The following USP10 variants were observed in gnomAD, a reference collection of about 807,000 sequenced individuals.
The protein encoded by USP10 is ubiquitin specific peptidase 10.
In USP10, 22 loss-of-function variants were observed where a neutral mutation model predicts 84.5. That is an observed-to-expected ratio of 0.26 (90% CI 0.19 to 0.37). The LOEUF (loss-of-function observed/expected upper bound fraction) is 0.37. USP10 is among the 10% of genes least tolerant of loss of function. The pLI is 1.00. For missense variants in USP10, 1,019 were observed against 998.9 expected (o/e 1.02, Z -0.27); for synonymous variants, 454 against 387.6 (o/e 1.17, Z -2.01).
intron 12 of USP10, 30 bp downstream of exon 12, chr16:84,772,715 G>C: frequency 1.2e-6 from 2 of 1,611,490 alleles, no homozygotes; most frequent in Non-Finnish European, 8.5e-7. Context: ...GGGAGTGTTC[G>C]TGGTGACACA....
At chr16:84,711,982 T>C (rs1045158960) in intron 1 of USP10, among the ~76,000 whole-genome samples, 16 of 152,048 alleles carry the variant, frequency 1.1e-4, no homozygotes, top group Non-Finnish European at 2.1e-4. Context: ...AGCCTCCCAA[T>C]GTACTGGGGT....
At chr16:84,731,268 C>T (rs1336742969) in intron 1 of USP10, among the ~76,000 whole-genome samples, 5 of 151,390 alleles carry the variant, frequency 3.3e-5, no homozygotes, top group African/African-American at 4.8e-5. Context: ...TGTGAGCCAC[C>T]GCTCCCGGCC....
intron 1 of USP10, among the ~76,000 whole-genome samples, 190 bp downstream of exon 1, chr16:84,700,301 G>C (rs1458677399): frequency 6.6e-6 from 1 of 151,914 alleles, no homozygotes; most frequent in Non-Finnish European, 1.5e-5. Context: ...CGTCCCCTGA[G>C]CCACCCGGAC....
At chr16:84,712,594 A>G (rs573029102) in intron 1 of USP10, among the ~76,000 whole-genome samples, 1 of 152,314 alleles carries the variant, frequency 6.6e-6, no homozygotes, top group Admixed American at 6.5e-5. Flanking sequence ...GAAGTTCAGG[A>G]CCACAGCATG....
At chr16:84,757,797 G>T (rs1912760552) in intron 4 of USP10, among the ~76,000 whole-genome samples, 1 of 152,170 alleles carries the variant, frequency 6.6e-6, no homozygotes, top group Admixed American at 6.5e-5. Context: ...GATCACAGGT[G>T]AGTTAGTCAG....
At chr16:84,743,940 A>G (rs527640717) in intron 3 of USP10, among the ~76,000 whole-genome samples, 84 of 152,338 alleles carry the variant, frequency 5.5e-4, no homozygotes, top group African/African-American at 2.0e-3. Context: ...GCATGTGTTC[A>G]TGTCAGGGCC....
Position 84,715,462 on chromosome 16 carries a change from C to G in USP10, c.21+15351C>G, listed in dbSNP as rs75183916. Among the ~76,000 whole-genome samples the G allele has an allele frequency of 7.5e-3, 1,145 of 152,242 alleles. 10 individuals carry two copies. Among genetic ancestry groups the G allele is most frequent in the African/African-American group, 0.026 (1,087 of 41,534 alleles). On this transcript the variant is annotated intron_variant, in intron 1 of 13. Transcript: ENST00000219473. Reference sequence around the variant, plus strand: ...TCAGAGAATGAAGATGGGTAATGAGCTAGTCTTGAGAAGGAATAGGATCTC... The same window carrying G: ...TCAGAGAATGAAGATGGGTAATGAGGTAGTCTTGAGAAGGAATAGGATCTC...
chr16:84,762,248 C>T (rs1020816450), intron 8 of USP10, among the ~76,000 whole-genome samples: 1 of 152,244 alleles, frequency 6.6e-6, no homozygotes, highest in Non-Finnish European at 1.5e-5. Context: ...TCATCAAAGA[C>T]AGACAGAAGC....
At chr16:84,772,101 G>T (rs1398777699) in intron 11 of USP10, among the ~76,000 whole-genome samples, 1 of 152,008 alleles carries the variant, frequency 6.6e-6, no homozygotes, top group Non-Finnish European at 1.5e-5. Context: ...GCCCAGGCTG[G>T]GGTACAGTGG....
At chr16:84,710,040 T>C (rs1200542279) in intron 1 of USP10, among the ~76,000 whole-genome samples, 1 of 152,106 alleles carries the variant, frequency 6.6e-6, no homozygotes, top group East Asian at 1.9e-4. Flanking sequence ...GAGACCGAAG[T>C]AGACGGATCA....
chr16:84,761,694 C>T (rs1437777464), intron 8 of USP10, among the ~76,000 whole-genome samples: 2 of 152,254 alleles, frequency 1.3e-5, no homozygotes, highest in Non-Finnish European at 2.9e-5. Flanking sequence ...TCCAAACTCC[C>T]AAAACAAAAG....
chr16:84,764,868 A>G (rs1250373413), intron 10 of USP10, among the ~76,000 whole-genome samples: 3 of 150,232 alleles, frequency 2.0e-5, no homozygotes, highest in Non-Finnish European at 3.0e-5. Context: ...GAATGTCATC[A>G]TGACTTAGGG....
intron 11 of USP10, among the ~76,000 whole-genome samples, chr16:84,769,224 A>C (rs898670912): frequency 6.6e-6 from 1 of 152,346 alleles, no homozygotes; most frequent in South Asian, 2.1e-4. Context: ...AAGACCTGTC[A>C]TCACATTGCA....
intron 13 of USP10, among the ~76,000 whole-genome samples, chr16:84,778,118 T>TGTGTGTG (rs1491384504): frequency 2.0e-5 from 3 of 151,674 alleles, no homozygotes; most frequent in Non-Finnish European, 1.5e-5. Context: ...TGTGTGTGTG[T>TGTGTGTG]TTTGTTCTGT....
intron 4 of USP10, among the ~76,000 whole-genome samples, chr16:84,748,593 C>T (rs577749141): frequency 1.3e-5 from 2 of 152,112 alleles, no homozygotes; most frequent in African/African-American, 2.4e-5. Flanking sequence ...CGTGAGCCAC[C>T]GCGCCCAGCT....
At chr16:84,753,166 C>A (rs1315296796) in intron 4 of USP10, among the ~76,000 whole-genome samples, 1 of 151,980 alleles carries the variant, frequency 6.6e-6, no homozygotes, top group Non-Finnish European at 1.5e-5. Flanking sequence ...TTTTTCATAG[C>A]AACAGAGTCT....
intron 1 of USP10, among the ~76,000 whole-genome samples, chr16:84,711,855 G>A (rs910487734): frequency 6.6e-6 from 1 of 151,842 alleles, no homozygotes; most frequent in Admixed American, 6.6e-5. Flanking sequence ...GAGTAGCTGG[G>A]ATTACAGGTG....
At chr16:84,750,274 G>C (rs1911763194) in intron 4 of USP10, among the ~76,000 whole-genome samples, 1 of 152,010 alleles carries the variant, frequency 6.6e-6, no homozygotes, top group Admixed American at 6.6e-5. Flanking sequence ...TGGACGTGGT[G>C]GCTCATGGCT....
intron 9 of USP10, 30 bp downstream of exon 9, chr16:84,763,118 G>A (rs761533606): frequency 2.9e-5 from 43 of 1,481,262 alleles, no homozygotes; most frequent in Non-Finnish European, 3.9e-5. Context: ...CCGCAGAGTT[G>A]TGCAAGAGTT....
Sources: gnomAD v4.1 joint callset for allele counts (sites outside exome capture counted in the v4.1 genomes callset) on GRCh38, gnomAD v4.1.1 for gene constraint, MANE v1.5 for transcripts, NCBI Gene and HGNC (gene_info 2026-07-23, HGNC 2026-07-21) for gene names.